CUL4A: variants seen among roughly 807,000 people sequenced by gnomAD.
CUL4A encodes the protein cullin 4A.
Under a neutral mutation model 95.5 loss-of-function variants are expected in CUL4A, and 16 were observed. The ratio of observed to expected loss-of-function variants is 0.17; its 90% CI spans 0.11 to 0.25. The LOEUF is 0.25. CUL4A is among the 10% of genes least tolerant of loss of function. The pLI is 1.00. For synonymous variants in CUL4A, 380 were observed against 353.1 expected (o/e 1.08, Z -0.85); for missense variants, 610 against 937.0 (o/e 0.65, Z 4.56).
intron 11 of CUL4A, among the ~76,000 whole-genome samples, chr13:113,243,933 C>A (rs1427902152): frequency 1.3e-5 from 2 of 152,186 alleles, no homozygotes; most frequent in Non-Finnish European, 2.9e-5. Context: ...CCCTCCCAAG[C>A]CACCTGACGA....
upstream of CUL4A, chr13:113,208,969 T>G (rs952641073): frequency 9.0e-7 from 1 of 1,109,138 alleles, no homozygotes; most frequent in Non-Finnish European, 1.1e-6. Flanking sequence ...CGTCTGCCCC[T>G]TGTGAAAACC....
chr13:113,243,499 A>C (rs2041777948), intron 11 of CUL4A, among the ~76,000 whole-genome samples: 1 of 152,188 alleles, frequency 6.6e-6, no homozygotes, highest in African/African-American at 2.4e-5. Flanking sequence ...TGAGATCTCA[A>C]ATGATAATAC....
chr13:113,213,461 G>A (rs531443797), intron 2 of CUL4A, among the ~76,000 whole-genome samples: 12 of 130,174 alleles, frequency 9.2e-5, no homozygotes, highest in African/African-American at 3.3e-4. Flanking sequence ...AGTTAATACA[G>A]TTCTTGTACT....
chr13:113,215,504 C>G (rs906491080), intron 2 of CUL4A, among the ~76,000 whole-genome samples: 1 of 148,436 alleles, frequency 6.7e-6, no homozygotes, highest in Non-Finnish European at 1.5e-5. Flanking sequence ...TGTTGTGTGA[C>G]TATGGAGGTC....
chr13:113,210,825 G>C (rs1460569969), intron 2 of CUL4A, among the ~76,000 whole-genome samples: 1 of 152,078 alleles, frequency 6.6e-6, no homozygotes, highest in Non-Finnish European at 1.5e-5. Context: ...GCAAGTGACT[G>C]CATTGTAAAA....
intron 10 of CUL4A, among the ~76,000 whole-genome samples, chr13:113,240,223 T>C (rs1454666352): frequency 2.6e-5 from 4 of 152,052 alleles, no homozygotes; most frequent in South Asian, 2.1e-4. Context: ...CTGGAGACAT[T>C]TGTGGCTGTC....
chr13:113,260,673 A>G lies in CUL4A; in HGVS notation c.2098A>G (p.Ile700Val), dbSNP rs774711421. The G allele has an allele frequency of 1.1e-5, 17 of 1,612,510 alleles. No homozygotes were observed. The highest frequency in any genetic ancestry group is 8.9e-5 in the East Asian group (4 of 44,866). The change falls in exon 19 of 20, where the codon ATC (isoleucine) becomes GTC (valine). Residue 700 changes from isoleucine (I) to valine (V), a missense_variant. Transcript: ENST00000375440. ...TAGACAATATCAGATTGATGCTGCT[A>G]TCGTCAGAATAATGAAGATGAGAAA... ...QDRQYQIDAA[I>V]VRIMKMRKTL... is the part of the protein sequence containing the mutation.
At chr13:113,231,004 C>T (rs1425222735) in intron 5 of CUL4A, among the ~76,000 whole-genome samples, 1 of 152,108 alleles carries the variant, frequency 6.6e-6, no homozygotes, top group Non-Finnish European at 1.5e-5. Context: ...AACCCCTGGC[C>T]TCAAGCGATC....
chr13:113,216,064 G>A lies in CUL4A; in HGVS notation c.265-2881G>A, dbSNP rs2040676934. ...GAGGTCTCGTCCACGTGGCTGTGGA[G>A]GTCTTTGTGTGACTATGGAGGTCAC... On this transcript the variant is annotated intron_variant, in intron 2 of 19. Transcript: ENST00000375440. Among the ~76,000 whole-genome samples, 6 of 150,944 alleles carry A rather than the reference G, an allele frequency of 4.0e-5. No individual in the cohort carries two copies. In the South Asian group the frequency reaches 1.3e-3, roughly 32 times the overall value.
At chr13:113,211,674 C>T (rs1318312896) in intron 2 of CUL4A, among the ~76,000 whole-genome samples, 4 of 152,148 alleles carry the variant, frequency 2.6e-5, no homozygotes, top group Non-Finnish European at 4.4e-5. Context: ...CATAAGCCAC[C>T]GCGCCTGGCC....
chr13:113,233,210 T>C lies in CUL4A; in HGVS notation c.546T>C (p.Ile182=). Reference sequence around the variant, plus strand: ...GATTAGAACTGTTTAGAACCCATATTATTAGTGATAAAATGGTTCAGAGTA... The same window carrying C: ...GATTAGAACTGTTTAGAACCCATATCATTAGTGATAAAATGGTTCAGAGTA... ...DMGLELFRTH[I]ISDKMVQSKT... The change falls in exon 6 of 20, where the codon ATT becomes ATC. Residue 182 remains isoleucine, a synonymous_variant. Transcript: ENST00000375440. 1 of 1,614,126 alleles carries C rather than the reference T, an allele frequency of 6.2e-7. No individual in the cohort carries two copies. Among genetic ancestry groups the C allele is most frequent in the Non-Finnish European group, 8.5e-7 (1 of 1,179,986 alleles).
chr13:113,211,888 T>C (rs2040460228), intron 2 of CUL4A, among the ~76,000 whole-genome samples: 1 of 152,130 alleles, frequency 6.6e-6, no homozygotes, highest in Admixed American at 6.5e-5. Flanking sequence ...CTCCCAGCAG[T>C]GTATGGGAGC....
At chr13:113,252,525 G>A (rs1345758154) in intron 15 of CUL4A, among the ~76,000 whole-genome samples, 1 of 152,172 alleles carries the variant, frequency 6.6e-6, no homozygotes, top group Non-Finnish European at 1.5e-5. Context: ...GAGCAAGCCT[G>A]TGTTCCAAAA....
At chr13:113,246,102 A>G (rs759113945) in intron 15 of CUL4A, 39 bp downstream of exon 15, 10 of 1,479,842 alleles carry the variant, frequency 6.8e-6, no homozygotes, top group Admixed American at 5.2e-5. Flanking sequence ...TCCCGCTGTC[A>G]TGCCCTTACC....
rs558592234 is a variant in CUL4A, at chr13:113,217,713, A to G, written c.265-1232A>G. ...TATCCTAATTAAATTCAGATTATTT[A>G]TCTAAAGTGTTTTTATTCTGTATAT... is the stretch of plus-strand genomic sequence containing the variant. On this transcript the variant is annotated intron_variant, in intron 2 of 19. Transcript: ENST00000375440. Among the ~76,000 whole-genome samples the G allele has an allele frequency of 2.0e-5, 3 of 152,344 alleles. No individual in the cohort carries two copies. The South Asian group carries it at 6.2e-4, about 32-fold the overall frequency.
chr13:113,226,809 C>A (rs1254627536), intron 3 of CUL4A, among the ~76,000 whole-genome samples: 1 of 152,162 alleles, frequency 6.6e-6, no homozygotes, highest in East Asian at 1.9e-4. Context: ...TTACTTAAGA[C>A]CACGTGTTCA....
At chr13:113,229,386 G>C in intron 4 of CUL4A, 60 bp from the exon 5 acceptor site, 2 of 1,444,342 alleles carry the variant, frequency 1.4e-6, no homozygotes, top group Non-Finnish European at 1.9e-6. Flanking sequence ...TAAAAGGCCT[G>C]ATCTTTCATA....
chr13:113,227,835 G>A, intron 3 of CUL4A, 141 bp from the exon 4 acceptor site: 1 of 483,856 alleles, frequency 2.1e-6, no homozygotes, highest in East Asian at 3.7e-5. Flanking sequence ...AACCTGGGAG[G>A]CAGAGGCTGC....
At chr13:113,240,676 T>G (rs905402981) in intron 10 of CUL4A, among the ~76,000 whole-genome samples, 1 of 152,010 alleles carries the variant, frequency 6.6e-6, no homozygotes, top group African/African-American at 2.4e-5. Context: ...AATTTAGAAA[T>G]GGAGGATAGA....
Sources: allele counts gnomAD v4.1 joint callset (sites outside exome capture counted in the v4.1 genomes callset), GRCh38; gene constraint gnomAD v4.1.1; transcripts MANE v1.5; gene names NCBI Gene and HGNC (gene_info 2026-07-23, HGNC 2026-07-21).